TECTA: variants seen among roughly 807,000 people sequenced by gnomAD.
TECTA encodes the protein alpha-tectorin.
A neutral mutation model predicts 216.8 loss-of-function variants in TECTA; 128 were observed. That is an observed-to-expected ratio of 0.59 (90% confidence interval 0.51 to 0.68). TECTA has a LOEUF of 0.68. Ranked by LOEUF, TECTA falls within the 30% of genes least tolerant of loss-of-function variation. The probability of loss-of-function intolerance (pLI) is 0.00; values close to 1 mark genes in which losing one functional copy is unlikely to be tolerated. For missense variants in TECTA, 2,551 were observed against 2,786.2 expected, an observed-to-expected ratio of 0.92 and a Z score of 1.90; for synonymous variants, 1,089 against 1,117.1, an observed-to-expected ratio of 0.97 and a Z score of 0.50.
intron 12 of TECTA, among the ~76,000 whole-genome samples, chr11:121,150,177 G>A (rs1946876145): frequency 6.6e-6 from 1 of 152,184 alleles, no homozygotes. Flanking sequence ...CCAACGGAAA[G>A]AAGAGAAAGT....
At position 121,113,020 on chromosome 11, in the gene TECTA, C is replaced by T; in HGVS notation, c.487-52C>T. ...GGTGAAGGGAGGACCTCCTTGGGGC[C>T]AGGACCTCCTGGGGAGTGCAAGTCA... On this transcript the variant is annotated intron_variant, in intron 4 of 23. Transcript: ENST00000392793. The surrounding 1 kb of genome is among the most constrained non-coding windows in gnomAD (Gnocchi z 4.2). The T allele has an allele frequency of 1.2e-6, 2 of 1,612,188 alleles. No homozygotes were observed. Among genetic ancestry groups the T allele is most frequent in the South Asian group, 2.2e-5 (2 of 90,770 alleles).
chr11:121,146,541 T>C (rs1390477351), intron 12 of TECTA, among the ~76,000 whole-genome samples: 1 of 152,236 alleles, frequency 6.6e-6, no homozygotes, highest in African/African-American at 2.4e-5. Flanking sequence ...GATTCATATA[T>C]GTCATGTTTC....
In TECTA at chr11:121,105,880, C is replaced by T; in HGVS notation, c.114C>T (p.Thr38=). 1 of 1,614,190 alleles carries T rather than the reference C, an allele frequency of 6.2e-7. No individual in the cohort carries two copies. The highest frequency in any genetic ancestry group is 8.5e-7 in the Non-Finnish European group (1 of 1,180,020). Residue 38 remains threonine, a synonymous_variant, in exon 3 of 24, where the codon ACC becomes ACT. Transcript: ENST00000392793. This position sits in a 1 kb window ranked among gnomAD's most constrained non-coding sequence, Gnocchi z 5.3. ...MYPFWQNDTK[T]PKVDDGSSSE... ...CATTTTGGCAGAATGACACCAAAAC[C>T]CCTAAAGTAGATGATGGAAGCTCAT...
intron 16 of TECTA, among the ~76,000 whole-genome samples, chr11:121,163,006 C>T (rs1471138273): frequency 6.6e-6 from 1 of 152,140 alleles, no homozygotes. Context: ...TGTATACAAA[C>T]ACATATAAAT....
chr11:121,171,517 G>A (rs1947112170), intron 20 of TECTA, among the ~76,000 whole-genome samples: 1 of 152,018 alleles, frequency 6.6e-6, no homozygotes, highest in Admixed American at 6.6e-5. Context: ...TTTGTGAGTA[G>A]TATGGTCACC....
chr11:121,125,760 G>A lies in TECTA; in HGVS notation c.1662G>A (p.Leu554=), dbSNP rs1364789216. The change falls in exon 8 of 24, where the codon CTG becomes CTA. Residue 554 remains leucine, a synonymous_variant. Coordinates refer to ENST00000392793, the MANE Select transcript of TECTA (RefSeq NM_005422.4). The part of the protein sequence containing the change: ...TAFVHSCVYD[L]CSVRDNGTLL... Reference sequence around the variant, plus strand: ...TTGTGCACAGCTGCGTGTATGACCTGTGCAGTGTGAGGGACAATGGCACGC... The same window carrying A: ...TTGTGCACAGCTGCGTGTATGACCTATGCAGTGTGAGGGACAATGGCACGC... 6.2e-7 allele frequency: 1 copy of A among 1,614,204 alleles called. No homozygotes were observed. Among genetic ancestry groups the A allele is most frequent in the Non-Finnish European group, 8.5e-7 (1 of 1,180,054 alleles).
intron 12 of TECTA, among the ~76,000 whole-genome samples, chr11:121,152,282 A>C (rs1946898030): frequency 6.6e-6 from 1 of 152,232 alleles, no homozygotes; most frequent in Admixed American, 6.5e-5. Flanking sequence ...CACGGTGTAC[A>C]TTTGCCTTCT....
chr11:121,105,800 C>T lies in TECTA; in HGVS notation c.65-31C>T. The T allele has an allele frequency of 1.9e-6, 3 of 1,613,852 alleles. No homozygotes were observed. The African/African-American group carries it at 4.0e-5, about 22-fold the overall frequency. On this transcript the variant is annotated intron_variant, in intron 2 of 23. Transcript: ENST00000392793. This position sits in a 1 kb window ranked among gnomAD's most constrained non-coding sequence, Gnocchi z 5.3. Reference sequence around the variant, plus strand: ...GATTGCCAAACGGCAGAGGGAGCTGCCATCTATCTAACCATCATCTCTCTT... The same window carrying T: ...GATTGCCAAACGGCAGAGGGAGCTGTCATCTATCTAACCATCATCTCTCTT...
Position 121,108,081 on chromosome 11 carries a change from T to A in TECTA, c.199-1130T>A, listed in dbSNP as rs117018140. ...TGGAGTTGGATGAAGGAGTATTTGA[T>A]TTATCTTTCTCTGACACTCCTCTTT... On this transcript the variant is annotated intron_variant, in intron 3 of 23. Transcript: ENST00000392793. Among the ~76,000 whole-genome samples, 1,142 of 152,230 alleles carry A rather than the reference T, an allele frequency of 7.5e-3. 5 individuals carry two copies. The highest frequency in any genetic ancestry group is 0.01 in the Non-Finnish European group (686 of 68,008).
At chr11:121,101,952 C>G (rs1380393238) in intron 1 of TECTA, among the ~76,000 whole-genome samples, 1 of 152,190 alleles carries the variant, frequency 6.6e-6, no homozygotes, top group Non-Finnish European at 1.5e-5. Context: ...TGCTGTGTTC[C>G]TTCTTTAATT....
In TECTA at chr11:121,129,811, C is replaced by T; in HGVS notation, c.2541C>T (p.Gly847=). ...CCACATACTTCAATTGCACAGGGGG[C>T]TTGTGCGGCTTCTACAATGCCAACG... ...LSTTYFNCTG[G]LCGFYNANAS... The change falls in exon 10 of 24, where the codon GGC becomes GGT. Residue 847 remains glycine (G), a synonymous_variant. Transcript: ENST00000392793. 1 of 1,614,206 alleles carries T rather than the reference C, an allele frequency of 6.2e-7. No individual in the cohort carries two copies. Among genetic ancestry groups the T allele is most frequent in the Non-Finnish European group, 8.5e-7 (1 of 1,180,042 alleles).
chr11:121,124,252 A>G (rs659956), intron 7 of TECTA, among the ~76,000 whole-genome samples: 111,837 of 152,034 alleles, frequency 0.74, 41,684 homozygotes, highest in African/African-American at 0.86. Context: ...AACAGTGCCA[A>G]GTACATAGAA....
intron 3 of TECTA, among the ~76,000 whole-genome samples, chr11:121,107,141 G>A (rs1946398169): frequency 6.6e-6 from 1 of 152,204 alleles, no homozygotes; most frequent in Non-Finnish European, 1.5e-5. Context: ...TCACGGCAGG[G>A]CCTCCCTAGT....
Position 121,128,139 on chromosome 11 carries a change from T to TCAGCCAGAACAAAG in TECTA, c.2162_2163insCAGCCAGAACAAAG (p.His722SerfsTer24). Reference sequence around the variant, plus strand: ...TGCCTGCTCAGCCAGAACCAGGTGCTGCACACCTTTGACGGCGCCTCCTAC... The same window carrying TCAGCCAGAACAAAG: ...TGCCTGCTCAGCCAGAACCAGGTGCTCAGCCAGAACAAAGGCACACCTTTGACGGCGCCTCCTAC... On this transcript the variant is annotated frameshift_variant, in exon 9 of 24. Coordinates refer to ENST00000392793, the MANE Select transcript of TECTA (RefSeq NM_005422.4). LOFTEE classifies it high-confidence loss of function. 1 of 1,612,754 alleles carries TCAGCCAGAACAAAG rather than the reference T, an allele frequency of 6.2e-7. No individual in the cohort carries two copies. Among genetic ancestry groups the TCAGCCAGAACAAAG allele is most frequent in the South Asian group, 1.1e-5 (1 of 91,082 alleles).
Position 121,113,735 on chromosome 11 carries a change from G to A in TECTA, c.790+17G>A. 1 of 1,612,680 alleles carries A rather than the reference G, an allele frequency of 6.2e-7. No individual in the cohort carries two copies. On this transcript the variant is annotated intron_variant, in intron 6 of 23. Transcript: ENST00000392793. This position sits in a 1 kb window ranked among gnomAD's most constrained non-coding sequence, Gnocchi z 4.2. The stretch of plus-strand genomic sequence containing the variant: ...CCTCAAGGGGTAAAGCTTTTCCTCT[G>A]TCTGTGGCAAGGCAGGGTTTGTTTA...
Position 121,124,309 on chromosome 11 carries a change from C to T in TECTA, c.1204-993C>T, listed in dbSNP as rs184564478. Reference sequence around the variant, plus strand: ...GAATGAATGGACCTTGCCTGTACCTCCAGCCTCATCTTCAGCCATCTCTTC... The same window carrying T: ...GAATGAATGGACCTTGCCTGTACCTTCAGCCTCATCTTCAGCCATCTCTTC... On this transcript the variant is annotated intron_variant, in intron 7 of 23. Coordinates refer to ENST00000392793, the MANE Select transcript of TECTA (RefSeq NM_005422.4). Among the ~76,000 whole-genome samples, 568 of 152,294 alleles carry T rather than the reference C, an allele frequency of 3.7e-3. 2 individuals are homozygous for T. The highest frequency in any genetic ancestry group is 5.5e-3 in the Non-Finnish European group (371 of 68,026).
At chr11:121,148,104 T>G (rs986644205) in intron 12 of TECTA, among the ~76,000 whole-genome samples, 2 of 152,156 alleles carry the variant, frequency 1.3e-5, no homozygotes, top group East Asian at 3.9e-4. Context: ...GTCCAAACAT[T>G]GGTTGCCTCC....
At chr11:121,137,078 G>C (rs1030378309) in intron 10 of TECTA, among the ~76,000 whole-genome samples, 2 of 152,140 alleles carry the variant, frequency 1.3e-5, no homozygotes, top group African/African-American at 2.4e-5. Context: ...GTGCAAATAA[G>C]ACCACACACA....
intron 20 of TECTA, among the ~76,000 whole-genome samples, chr11:121,177,294 A>G (rs1248119781): frequency 1.3e-5 from 2 of 151,862 alleles, no homozygotes; most frequent in South Asian, 2.1e-4. Context: ...TTTTTTCCCC[A>G]TCTTTGTGGT....
Sources: allele counts gnomAD v4.1 joint callset (sites outside exome capture counted in the v4.1 genomes callset), GRCh38; gene constraint gnomAD v4.1.1; non-coding constraint Gnocchi (gnomAD v3.1); transcripts MANE v1.5; gene names NCBI Gene and HGNC (gene_info 2026-07-23, HGNC 2026-07-21).